Variants in PI4KA observed in about 807,000 individuals in gnomAD.
The protein encoded by PI4KA is PI4-kinase alpha.
PI4KA carries 122 observed loss-of-function variants against 271.4 expected under a neutral mutation model. The ratio of observed to expected loss-of-function variants is 0.45; its 90% CI spans 0.39 to 0.52. The LOEUF (loss-of-function observed/expected upper bound fraction) is 0.52, where lower values mean the gene tolerates loss of function less well. PI4KA is among the 20% of genes least tolerant of loss of function. The pLI is 0.00. For synonymous variants in PI4KA, 1,041 were observed against 1,078.8 expected, an observed-to-expected ratio of 0.96 and a Z score of 0.69; for missense variants, 1,969 against 2,769.1, an observed-to-expected ratio of 0.71 and a Z score of 6.48.
intron 23 of PI4KA, among the ~76,000 whole-genome samples, chr22:20,759,690 C>G (rs571657308): frequency 3.3e-5 from 5 of 152,196 alleles, no homozygotes; most frequent in Non-Finnish European, 7.4e-5. Context: ...CTCAGCCTCC[C>G]GAGTAGCTGG....
At chr22:20,779,240 G>A in intron 19 of PI4KA, 3 of 1,608,374 alleles carry the variant, frequency 1.9e-6, no homozygotes, top group Non-Finnish European at 1.7e-6. Context: ...TGTGGATGCT[G>A]CAGCGGGGTG....
At chr22:20,752,023 C>A (rs1930758169) in intron 25 of PI4KA, among the ~76,000 whole-genome samples, 1 of 152,218 alleles carries the variant, frequency 6.6e-6, no homozygotes, top group Non-Finnish European at 1.5e-5. Context: ...TGGTTATGCA[C>A]TGGCCAGGAC....
chr22:20,767,343 C>A (rs1198135599), intron 19 of PI4KA, among the ~76,000 whole-genome samples: 1 of 151,850 alleles, frequency 6.6e-6, no homozygotes, highest in Non-Finnish European at 1.5e-5. Context: ...ACTCAGGAGG[C>A]TGAGGCAGGA....
At chr22:20,817,140 T>C (rs1434838996) in intron 7 of PI4KA, among the ~76,000 whole-genome samples, 1 of 152,204 alleles carries the variant, frequency 6.6e-6, no homozygotes, top group African/African-American at 2.4e-5. Context: ...ATCTAAGAGA[T>C]GGAAAGCTTC....
At chr22:20,804,189 C>T (rs963485543) in intron 12 of PI4KA, 111 bp downstream of exon 12, 10 of 735,882 alleles carry the variant, frequency 1.4e-5, no homozygotes, top group African/African-American at 3.4e-5. Context: ...AAGACAGAAC[C>T]GGCAGGGTCT....
intron 32 of PI4KA, among the ~76,000 whole-genome samples, chr22:20,741,770 T>C (rs1279865625): frequency 6.6e-6 from 1 of 152,198 alleles, no homozygotes; most frequent in Non-Finnish European, 1.5e-5. Context: ...AATAAAATTG[T>C]TCTTAAGCGT....
chr22:20,837,651 T>A (rs990411631), intron 2 of PI4KA, among the ~76,000 whole-genome samples: 1 of 152,138 alleles, frequency 6.6e-6, no homozygotes, highest in Non-Finnish European at 1.5e-5. Context: ...AATTTAGAAA[T>A]AGTATCTAGT....
intron 32 of PI4KA, among the ~76,000 whole-genome samples, chr22:20,738,193 A>G (rs934492802): frequency 6.6e-6 from 1 of 152,018 alleles, no homozygotes; most frequent in Non-Finnish European, 1.5e-5. Context: ...GAGCGTGGCT[A>G]AGACTTCCCA....
Position 20,709,964 on chromosome 22 carries a change from A to C in PI4KA, c.6117T>G (p.Thr2039=). The part of the protein sequence containing the change: ...PYMDAVVSLV[T]LMLDTGLPCF... ...AGGGCAGGCCCGTGTCCAACATGAG[A>C]GTGACCAGGGAGACGACCGCGTCCA... The change falls in exon 53 of 55, where the codon ACT becomes ACG. Residue 2039 remains threonine (T), a synonymous_variant. Coordinates refer to ENST00000255882, the MANE Select transcript of PI4KA (RefSeq NM_058004.4). 1 of 1,613,720 alleles carries C rather than the reference A, an allele frequency of 6.2e-7. No individual in the cohort carries two copies. The highest frequency in any genetic ancestry group is 8.5e-7 in the Non-Finnish European group (1 of 1,179,694).
At position 20,751,314 on chromosome 22, in the gene PI4KA, A is replaced by C; in HGVS notation, c.3132T>G (p.Pro1044=). 1.2e-6 allele frequency: 2 copies of C among 1,613,994 alleles called. No individual in the cohort carries two copies. Among genetic ancestry groups the C allele is most frequent in the Non-Finnish European group, 1.7e-6 (2 of 1,179,882 alleles). ...IPDAPYRITV[P]DTYEARESIV... Reference sequence around the variant, plus strand: ...CTACCTCACGGGCTTCGTACGTGTCAGGAACCGTGATCCGGTAGGGGGCGT... The same window carrying C: ...CTACCTCACGGGCTTCGTACGTGTCCGGAACCGTGATCCGGTAGGGGGCGT... Residue 1044 remains proline, a synonymous_variant, in exon 27 of 55, where the codon CCT becomes CCG. Coordinates refer to ENST00000255882, the MANE Select transcript of PI4KA (RefSeq NM_058004.4).
At chr22:20,844,950 C>G (rs763925581) in intron 1 of PI4KA, among the ~76,000 whole-genome samples, 1 of 152,016 alleles carries the variant, frequency 6.6e-6, no homozygotes, top group South Asian at 2.1e-4. Context: ...AATAAACTAG[C>G]AAGTTGTTTG....
intron 3 of PI4KA, among the ~76,000 whole-genome samples, chr22:20,833,069 G>T (rs530962735): frequency 6.6e-6 from 1 of 151,972 alleles, no homozygotes; most frequent in East Asian, 1.9e-4. Context: ...TTTTTTTGGG[G>T]GTGGTGCTTT....
intron 11 of PI4KA, 99 bp from the exon 12 acceptor site, chr22:20,804,499 G>A: frequency 1.2e-6 from 1 of 831,754 alleles, no homozygotes; most frequent in Non-Finnish European, 2.0e-6. Flanking sequence ...TAAAACCCCA[G>A]AGACATACTT....
chr22:20,853,605 A>T (rs1185670084), intron 1 of PI4KA, among the ~76,000 whole-genome samples: 1 of 152,186 alleles, frequency 6.6e-6, no homozygotes, highest in Non-Finnish European at 1.5e-5. Context: ...GGCTTCACAG[A>T]CAGAGTGTCC....
intron 19 of PI4KA, among the ~76,000 whole-genome samples, chr22:20,792,754 G>T (rs933859003): frequency 6.6e-6 from 1 of 152,228 alleles, no homozygotes. Context: ...AACGTCCCCT[G>T]AAGGAGACTG....
chr22:20,757,192 A>G (rs755941621), intron 23 of PI4KA, among the ~76,000 whole-genome samples: 6 of 152,246 alleles, frequency 3.9e-5, no homozygotes. Flanking sequence ...CAAGAATAAT[A>G]TATGTCTCCA....
intron 22 of PI4KA, among the ~76,000 whole-genome samples, chr22:20,762,479 G>A (rs1040991494): frequency 4.6e-5 from 7 of 152,204 alleles, no homozygotes; most frequent in Non-Finnish European, 8.8e-5. Context: ...GAGGTGGAAG[G>A]TGGGCTCACA....
At chr22:20,734,287 C>T in intron 33 of PI4KA, 93 bp from the exon 34 acceptor site, 1 of 1,387,000 alleles carries the variant, frequency 7.2e-7, no homozygotes, top group Non-Finnish European at 9.8e-7. Context: ...TCTGGGCTGA[C>T]TGGCCGAGCT....
chr22:20,825,699 G>A (rs1309529579), intron 3 of PI4KA, among the ~76,000 whole-genome samples: 1 of 152,088 alleles, frequency 6.6e-6, no homozygotes, highest in African/African-American at 2.4e-5. Context: ...AAAACCCAAA[G>A]GTTAAGAGGA....
Sources: allele counts gnomAD v4.1 joint callset (sites outside exome capture counted in the v4.1 genomes callset), GRCh38; gene constraint gnomAD v4.1.1; transcripts MANE v1.5; gene names NCBI Gene and HGNC (gene_info 2026-07-23, HGNC 2026-07-21).